Variants in LRPPRC observed in about 807,000 individuals in gnomAD.
LRPPRC encodes the protein leucine-rich PPR motif-containing protein, mitochondrial.
In LRPPRC, 120 loss-of-function variants were observed where a neutral mutation model predicts 180.3. The ratio of observed to expected loss-of-function variants is 0.67; its 90% confidence interval spans 0.57 to 0.77. The LOEUF (loss-of-function observed/expected upper bound fraction) is 0.77. Ranked by LOEUF, LRPPRC falls within the 30% of genes least tolerant of loss-of-function variation. The pLI, the probability that LRPPRC is intolerant of heterozygous loss-of-function variation, is 0.00. For synonymous variants in LRPPRC, 723 were observed against 600.0 expected (o/e 1.21, Z -3.00); for missense variants, 2,012 against 1,657.2 (o/e 1.21, Z -3.72).
At chr2:43,917,590 C>G (rs1671519024) in intron 29 of LRPPRC, among the ~76,000 whole-genome samples, 1 of 151,940 alleles carries the variant, frequency 6.6e-6, no homozygotes, top group African/African-American at 2.4e-5. Flanking sequence ...GAGATCGAAA[C>G]CATCCTGGCT....
At position 43,991,851 on chromosome 2, in the gene LRPPRC, G is replaced by A. The variant is rs149322967; in HGVS notation, c.149+3948C>T. ...AGGACATTCCTGGAAATCAAGCTCAGGGTGAATTTGTGTAGACACACTGCA... is the reference window on the plus strand; with the variant it reads ...AGGACATTCCTGGAAATCAAGCTCAAGGTGAATTTGTGTAGACACACTGCA... On this transcript the variant is annotated intron_variant, in intron 1 of 37. Transcript: ENST00000260665. 1.1e-4 allele frequency among the ~76,000 whole-genome samples: 17 copies of A among 152,302 alleles called. No individual in the cohort carries two copies. In the East Asian group the frequency reaches 3.3e-3, roughly 29 times the overall value.
Position 43,898,868 on chromosome 2 carries a change from G to C in LRPPRC, c.3825+351C>G, listed in dbSNP as rs1210183028. 2.0e-5 allele frequency among the ~76,000 whole-genome samples: 3 copies of C among 152,230 alleles called. No individual in the cohort carries two copies. The South Asian group carries it at 6.2e-4, about 32-fold the overall frequency. ...TATCTAGCGCATTTGAGAAATTAAAGTAGAAAATCAAAGGAATTGTTGTTT... is the reference window on the plus strand; with the variant it reads ...TATCTAGCGCATTTGAGAAATTAAACTAGAAAATCAAAGGAATTGTTGTTT... On this transcript the variant is annotated intron_variant, in intron 34 of 37. Coordinates refer to ENST00000260665, the MANE Select transcript of LRPPRC (RefSeq NM_133259.4).
rs571878917 is a variant in LRPPRC at position 43,946,197 on chromosome 2, A to G, written c.2126T>C (p.Met709Thr). 3 of 1,611,020 alleles carry G rather than the reference A, an allele frequency of 1.9e-6. No homozygotes were observed. In the South Asian group the frequency reaches 3.3e-5, roughly 18 times the overall value. Residue 709 changes from methionine to threonine, a missense_variant, in exon 21 of 38, where the codon ATG becomes ACG. By Grantham distance (81) the Met-to-Thr change is moderately conservative (BLOSUM62 -1). Coordinates refer to ENST00000260665, the MANE Select transcript of LRPPRC (RefSeq NM_133259.4). Reference sequence around the variant, plus strand: ...TAAAGCTGCATAGCCACCAGTAACCATGTCGGATTCATATTTTGCTTTCAA... The same window carrying G: ...TAAAGCTGCATAGCCACCAGTAACCGTGTCGGATTCATATTTTGCTTTCAA... ...LELKAKYESD[M>T]VTGGYAALIN...
chr2:43,906,122 C>A (rs764661140), intron 30 of LRPPRC, among the ~76,000 whole-genome samples: 6 of 149,790 alleles, frequency 4.0e-5, no homozygotes, highest in Non-Finnish European at 5.9e-5. Flanking sequence ...AAGCTGGATA[C>A]TTTTTTTTTT....
At chr2:43,959,451 T>G (rs1391066539) in intron 13 of LRPPRC, among the ~76,000 whole-genome samples, 1 of 152,226 alleles carries the variant, frequency 6.6e-6, no homozygotes, top group Non-Finnish European at 1.5e-5. Flanking sequence ...ATAACATTAA[T>G]GAGAGCTTAA....
At position 43,969,049 on chromosome 2, in the gene LRPPRC, A is replaced by G. The variant is rs189496464; in HGVS notation, c.1369+4558T>C. ...GTCAATTTTTAAAAGTGGGGTAAAG[A>G]AAGTCAATGAATCTTCTAACAAAAG... is the stretch of plus-strand genomic sequence containing the variant. On this transcript the variant is annotated intron_variant, in intron 11 of 37. Transcript: ENST00000260665. 1.3e-3 allele frequency among the ~76,000 whole-genome samples: 200 copies of G among 152,324 alleles called. 1 individual carries two copies. The highest frequency in any genetic ancestry group is 3.7e-3 in the Admixed American group (57 of 15,300).
intron 27 of LRPPRC, among the ~76,000 whole-genome samples, chr2:43,921,670 TG>T (rs1671705060): frequency 6.6e-6 from 1 of 152,098 alleles, no homozygotes; most frequent in Non-Finnish European, 1.5e-5. Flanking sequence ...TAGGGGGTGG[TG>T]GTGGACACAA....
chr2:43,912,500 G>T lies in LRPPRC; in HGVS notation c.3207C>A (p.Thr1069=). ...TCAGTAATTTAATGAGATTGCTGTA[G>T]GTTTCAGCATTAAACACAATGTTTT... is the stretch of plus-strand genomic sequence containing the variant. The part of the protein sequence containing the change: ...KEQNIVFNAE[T]YSNLIKLLMS... The change falls in exon 30 of 38, where the codon ACC becomes ACA. Residue 1069 remains threonine, a synonymous_variant. Coordinates refer to ENST00000260665, the MANE Select transcript of LRPPRC (RefSeq NM_133259.4). 1 of 1,587,938 alleles carries T rather than the reference G, an allele frequency of 6.3e-7. No individual in the cohort carries two copies. The highest frequency in any genetic ancestry group is 8.6e-7 in the Non-Finnish European group (1 of 1,156,370).
At chr2:43,933,492 T>G (rs1025351848) in intron 25 of LRPPRC, among the ~76,000 whole-genome samples, 5 of 152,224 alleles carry the variant, frequency 3.3e-5, no homozygotes, top group Admixed American at 6.5e-5. Flanking sequence ...CTTAAGGCAA[T>G]GGGTCCATCT....
chr2:43,990,681 G>C (rs888709495), intron 1 of LRPPRC, among the ~76,000 whole-genome samples: 1 of 152,076 alleles, frequency 6.6e-6, no homozygotes, highest in Admixed American at 6.6e-5. Flanking sequence ...AAATGGCACT[G>C]CTCCTCTCTC....
Position 43,925,082 on chromosome 2 carries a change from G to A in LRPPRC, c.2881C>T (p.Leu961=). Residue 961 remains leucine (L), a synonymous_variant, in exon 27 of 38, where the codon CTG becomes TTG. Coordinates refer to ENST00000260665, the MANE Select transcript of LRPPRC (RefSeq NM_133259.4). ...AATCACTTACTATACAGTTTTAGCA[G>A]ATTGTAGTACATCTGGTCTCTATCA... ...ECDRDQMYYN[L]LKLYKINGDW... is the part of the protein sequence containing the mutation. 1 of 1,567,430 alleles carries A rather than the reference G, an allele frequency of 6.4e-7. No homozygotes were observed. Among genetic ancestry groups the A allele is most frequent in the Non-Finnish European group, 8.8e-7 (1 of 1,137,480 alleles).
chr2:43,952,893 C>A (rs1326835408), intron 14 of LRPPRC, among the ~76,000 whole-genome samples: 2 of 152,202 alleles, frequency 1.3e-5, no homozygotes, highest in Non-Finnish European at 2.9e-5. Context: ...ATCTTAACTT[C>A]ATCATGTAAA....
intron 12 of LRPPRC, among the ~76,000 whole-genome samples, chr2:43,961,518 A>G (rs1013996201): frequency 1.3e-5 from 2 of 152,252 alleles, no homozygotes; most frequent in South Asian, 2.1e-4. Context: ...AAGAACATAC[A>G]TGCTAAGCAA....
chr2:43,922,530 C>A (rs1392049225), intron 27 of LRPPRC, among the ~76,000 whole-genome samples: 1 of 152,096 alleles, frequency 6.6e-6, no homozygotes, highest in Non-Finnish European at 1.5e-5. Context: ...GAGGCCAAGG[C>A]GGGTGGATCA....
chr2:43,971,666 G>A (rs1387213814), intron 11 of LRPPRC, among the ~76,000 whole-genome samples: 1 of 151,742 alleles, frequency 6.6e-6, no homozygotes, highest in Non-Finnish European at 1.5e-5. Flanking sequence ...CTCCATCACT[G>A]CAGTCACTTT....
chr2:43,951,683 T>G (rs933751842), intron 14 of LRPPRC, among the ~76,000 whole-genome samples: 1 of 152,178 alleles, frequency 6.6e-6, no homozygotes, highest in Non-Finnish European at 1.5e-5. Context: ...GCCAAAATCT[T>G]GGCTGTTAAA....
chr2:43,992,079 G>C (rs1345408171), intron 1 of LRPPRC, among the ~76,000 whole-genome samples: 2 of 152,150 alleles, frequency 1.3e-5, no homozygotes, highest in East Asian at 1.9e-4. Flanking sequence ...GTGTTGGTGA[G>C]TGCACGTCAT....
rs200061143 is a variant in LRPPRC at position 43,975,141 on chromosome 2, C to G, written c.814G>C (p.Ala272Pro). 2 of 1,613,226 alleles carry G rather than the reference C, an allele frequency of 1.2e-6. No individual in the cohort carries two copies. The highest frequency in any genetic ancestry group is 2.2e-5 in the East Asian group (1 of 44,848). Residue 272 changes from alanine to proline, a missense_variant, in exon 7 of 38, where the codon GCA becomes CCA. Transcript: ENST00000260665. Reference protein sequence around the residue: ...GIEPGPDTYLALLNAYAEKGD... With the variant: ...GIEPGPDTYLPLLNAYAEKGD... Reference sequence around the variant, plus strand: ...TTCTCAGCATATGCATTCAATAATGCGAGGTATGTGTCTGGACCAGGCTCA... The same window carrying G: ...TTCTCAGCATATGCATTCAATAATGGGAGGTATGTGTCTGGACCAGGCTCA...
chr2:43,986,716 C>A (rs1674541917), intron 1 of LRPPRC, among the ~76,000 whole-genome samples: 1 of 152,038 alleles, frequency 6.6e-6, no homozygotes, highest in South Asian at 2.1e-4. Flanking sequence ...CTGAGACGGT[C>A]TCATTCTGAA....
Sources: gnomAD v4.1 joint callset for allele counts (sites outside exome capture counted in the v4.1 genomes callset) on GRCh38, gnomAD v4.1.1 for gene constraint, MANE v1.5 for transcripts, NCBI Gene and HGNC (gene_info 2026-07-23, HGNC 2026-07-21) for gene names.